Variants in PTPRD observed in about 807,000 individuals in gnomAD.
PTPRD encodes protein tyrosine phosphatase receptor type D.
Under a neutral mutation model 214.5 loss-of-function variants are expected in PTPRD, and 34 were observed. That is an observed-to-expected ratio of 0.16 (90% CI 0.12 to 0.21). The LOEUF is 0.21. PTPRD is among the 10% of genes least tolerant of loss of function. The pLI is 1.00. For missense variants in PTPRD, 2,545 were observed against 2,398.7 expected, an observed-to-expected ratio of 1.06 and a Z score of -1.27; for synonymous variants, 1,128 against 845.7, an observed-to-expected ratio of 1.33 and a Z score of -5.79.
intron 9 of PTPRD, among the ~76,000 whole-genome samples, chr9:9,215,378 G>A (rs1323801140): frequency 3.9e-5 from 6 of 152,110 alleles, no homozygotes. Flanking sequence ...TTTCTTCCCT[G>A]AGTTCTGGAG....
At chr9:10,505,496 C>G (rs747683729) in intron 2 of PTPRD, among the ~76,000 whole-genome samples, 1 of 152,092 alleles carries the variant, frequency 6.6e-6, no homozygotes, top group African/African-American at 2.4e-5. Flanking sequence ...AAGCTCTCAC[C>G]TGTCAACAGT....
chr9:9,996,380 T>TCC (rs2096123094), intron 4 of PTPRD, among the ~76,000 whole-genome samples: 1 of 152,180 alleles, frequency 6.6e-6, no homozygotes, highest in Non-Finnish European at 1.5e-5. Context: ...AGATAAGCTC[T>TCC]CAGTATGGGA....
intron 11 of PTPRD, chr9:8,861,737 T>C (rs950337352): frequency 2.0e-4 from 30 of 152,326 alleles, no homozygotes; most frequent in Admixed American, 7.2e-4. Context: ...GTTTTCTTTG[T>C]GAGGACTACT....
At chr9:10,017,125 T>C (rs1268909146) in intron 4 of PTPRD, among the ~76,000 whole-genome samples, 1 of 152,232 alleles carries the variant, frequency 6.6e-6, no homozygotes, top group Non-Finnish European at 1.5e-5. Flanking sequence ...TACACATGTT[T>C]ACTAACAAGT....
At chr9:8,886,381 T>G (rs1473998490) in intron 11 of PTPRD, among the ~76,000 whole-genome samples, 2 of 152,224 alleles carry the variant, frequency 1.3e-5, no homozygotes, top group African/African-American at 4.8e-5. Context: ...TGGCCTATGC[T>G]GTTATATAAA....
chr9:8,318,948 G>A (rs1353983), intron 45 of PTPRD, among the ~76,000 whole-genome samples: 84,709 of 151,888 alleles, frequency 0.56, 27,733 homozygotes, highest in African/African-American at 0.89. Flanking sequence ...GCATTTTTCT[G>A]TAATAAAAAT....
At chr9:9,960,603 T>C (rs1587407672) in intron 4 of PTPRD, among the ~76,000 whole-genome samples, 1 of 152,268 alleles carries the variant, frequency 6.6e-6, no homozygotes, top group East Asian at 1.9e-4. Context: ...ACTTGACCTC[T>C]GTGGTATTTC....
chr9:8,320,021 C>A, intron 44 of PTPRD, 55 bp from the exon 45 acceptor site: 2 of 1,588,828 alleles, frequency 1.3e-6, no homozygotes, highest in Non-Finnish European at 8.6e-7. Context: ...GTCTTGGCCA[C>A]ATTTGCTTGG....
At chr9:9,767,024 C>A (rs1204353693) in intron 5 of PTPRD, among the ~76,000 whole-genome samples, 173 bp from the exon 6 acceptor site, 3 of 150,394 alleles carry the variant, frequency 2.0e-5, no homozygotes, top group South Asian at 2.1e-4. Context: ...TTAATTAAAG[C>A]ACATTAAGAC....
chr9:9,510,592 G>A (rs182927246), intron 8 of PTPRD, among the ~76,000 whole-genome samples: 46 of 150,806 alleles, frequency 3.1e-4, no homozygotes, highest in Non-Finnish European at 5.9e-4. Context: ...AAAAAGTTTG[G>A]TCCTTTACTT....
chr9:8,477,193 T>G (rs2096782857), intron 30 of PTPRD, among the ~76,000 whole-genome samples: 1 of 152,164 alleles, frequency 6.6e-6, no homozygotes, highest in Non-Finnish European at 1.5e-5. Flanking sequence ...TATTCTGCTT[T>G]GCCCGTCTGC....
intron 7 of PTPRD, among the ~76,000 whole-genome samples, chr9:9,705,503 G>A (rs1258195748): frequency 6.6e-6 from 1 of 151,978 alleles, no homozygotes; most frequent in South Asian, 2.1e-4. Context: ...CCAAGAATGA[G>A]ATCACTTCTA....
intron 26 of PTPRD, among the ~76,000 whole-genome samples, chr9:8,493,436 C>T (rs1176295937): frequency 6.6e-6 from 1 of 152,162 alleles, no homozygotes; most frequent in East Asian, 1.9e-4. Flanking sequence ...TTTATGCCAA[C>T]AGCTCTCCAC....
intron 3 of PTPRD, among the ~76,000 whole-genome samples, chr9:10,170,503 C>T (rs1328941827): frequency 6.6e-6 from 1 of 152,008 alleles, no homozygotes; most frequent in Admixed American, 6.5e-5. Flanking sequence ...CTGGCTAACA[C>T]GGTGAAACCC....
At chr9:10,271,039 G>A (rs1390718623) in intron 3 of PTPRD, among the ~76,000 whole-genome samples, 1 of 151,912 alleles carries the variant, frequency 6.6e-6, no homozygotes, top group Non-Finnish European at 1.5e-5. Flanking sequence ...TGCCCAGGTT[G>A]GTCTTGAACT....
intron 3 of PTPRD, among the ~76,000 whole-genome samples, chr9:10,090,927 C>CACACAA (rs2098422158): frequency 7.0e-6 from 1 of 143,206 alleles, no homozygotes; most frequent in African/African-American, 2.7e-5. Flanking sequence ...TATACACACA[C>CACACAA]ACACACACAC....
At chr9:8,641,459 A>T (rs1026334910) in intron 12 of PTPRD, among the ~76,000 whole-genome samples, 1 of 148,580 alleles carries the variant, frequency 6.7e-6, no homozygotes. Flanking sequence ...TGCAAAATGC[A>T]TTTGTGCTCA....
At chr9:9,413,403 C>T (rs1403207425) in intron 8 of PTPRD, among the ~76,000 whole-genome samples, 1 of 152,056 alleles carries the variant, frequency 6.6e-6, no homozygotes, top group South Asian at 2.1e-4. Context: ...CGTGAGCCAC[C>T]GCGCCCGGCC....
At chr9:10,594,731 C>T (rs535930396) in intron 2 of PTPRD, among the ~76,000 whole-genome samples, 43 of 152,080 alleles carry the variant, frequency 2.8e-4, no homozygotes, top group South Asian at 2.3e-3. Flanking sequence ...ATTATTCTGT[C>T]TAATGAGGTG....
Sources: gnomAD v4.1 joint callset for allele counts (sites outside exome capture counted in the v4.1 genomes callset) on GRCh38, gnomAD v4.1.1 for gene constraint, MANE v1.5 for transcripts, NCBI Gene and HGNC (gene_info 2026-07-23, HGNC 2026-07-21) for gene names.